The following KIAA0753 variants were observed in gnomAD, a reference collection of about 807,000 sequenced individuals.
The protein encoded by KIAA0753 is KIAA0753.
A neutral mutation model predicts 116.9 loss-of-function variants in KIAA0753; 114 were observed. The observed-to-expected ratio is 0.98, with a 90% CI of 0.84 to 1.14. KIAA0753 has a LOEUF of 1.14. KIAA0753 is among the 50% of genes most tolerant of loss of function. KIAA0753 has a pLI of 0.00. For missense variants in KIAA0753, 1,156 were observed against 1,172.4 expected (o/e 0.99, Z 0.20); for synonymous variants, 405 against 413.1 (o/e 0.98, Z 0.24).
At chr17:6,624,442 A>T (rs1022297580) in intron 4 of KIAA0753, among the ~76,000 whole-genome samples, 2 of 152,072 alleles carry the variant, frequency 1.3e-5, no homozygotes, top group Non-Finnish European at 2.9e-5. Flanking sequence ...TATATAATGT[A>T]TAAGCATCTT....
intron 15 of KIAA0753, among the ~76,000 whole-genome samples, chr17:6,595,688 G>A (rs1233226343): frequency 2.0e-5 from 3 of 152,160 alleles, no homozygotes; most frequent in African/African-American, 7.2e-5. Flanking sequence ...TTCCTGCACT[G>A]AATAATCCAG....
At chr17:6,632,598 A>G (rs76055649) in intron 2 of KIAA0753, among the ~76,000 whole-genome samples, 11,002 of 152,284 alleles carry the variant, frequency 0.072, 740 homozygotes, top group African/African-American at 0.17. Flanking sequence ...AGTCTCCAAG[A>G]CAAATAATTA....
At chr17:6,623,698 G>GA (rs2150890909) in intron 4 of KIAA0753, 127 bp from the exon 5 acceptor site, 6 of 1,338,008 alleles carry the variant, frequency 4.5e-6, no homozygotes, top group East Asian at 5.4e-5. Flanking sequence ...ACTTGAAAAT[G>GA]AAAAAAAGGC....
At chr17:6,628,945 T>G (rs1049189159) in intron 2 of KIAA0753, among the ~76,000 whole-genome samples, 2 of 152,134 alleles carry the variant, frequency 1.3e-5, no homozygotes, top group African/African-American at 2.4e-5. Flanking sequence ...AATCATCCAG[T>G]CCCATACTAT....
In KIAA0753 at chr17:6,628,583, G is replaced by T. The variant is rs761394748; in HGVS notation, c.252C>A (p.Gly84=). The change falls in exon 3 of 19, where the codon GGC becomes GGA. Residue 84 remains glycine, a synonymous_variant. Transcript: ENST00000361413. ...ATATGACGGAAAATGAAACAGAACT[G>T]CCCAGGTCAGGACCAACTCTACAAT... ...DADCRVGPDL[G]SSVSFSVISQ... is the part of the protein sequence containing the mutation. 1 of 1,614,144 alleles carries T rather than the reference G, an allele frequency of 6.2e-7. No homozygotes were observed. The highest frequency in any genetic ancestry group is 1.1e-5 in the South Asian group (1 of 91,082).
At chr17:6,609,441 T>C (rs1970392955) in intron 9 of KIAA0753, among the ~76,000 whole-genome samples, 1 of 146,174 alleles carries the variant, frequency 6.8e-6, no homozygotes, top group African/African-American at 2.5e-5. Context: ...AGCTTCTCAT[T>C]CTAATGTGCT....
chr17:6,615,614 CAA>C (rs60310389), intron 7 of KIAA0753, among the ~76,000 whole-genome samples: 5 of 58,758 alleles, frequency 8.5e-5, no homozygotes, highest in African/African-American at 2.6e-4. Flanking sequence ...GACTCCGTCT[CAA>C]AAAAAAAAAA....
In KIAA0753 at chr17:6,611,824, T is replaced by G. The variant is rs182021961; in HGVS notation, c.1545+95A>C. On this transcript the variant is annotated intron_variant, in intron 8 of 18. Coordinates refer to ENST00000361413, the MANE Select transcript of KIAA0753 (RefSeq NM_014804.3). ...CAGACTCAAGGACTGCAGCATCCAA[T>G]TGCCTGAGAACTGGCTCCACCATAT... is the stretch of plus-strand genomic sequence containing the variant. The G allele has an allele frequency of 6.7e-4, 627 of 934,868 alleles. 3 individuals are homozygous for G. In the Middle Eastern group the frequency reaches 7.3e-3, roughly 11 times the overall value. The allele number at this position is 934,868 out of a possible 1,614,324, so 57.9% of individuals were successfully genotyped here.
chr17:6,623,579 G>A lies in KIAA0753; in HGVS notation c.826-8C>T. Reference sequence around the variant, plus strand: ...TTCCTGGATTTCTTTTACCTGTTTTGTAAAGGGGAAAAAAGAAAACTTCAT... The same window carrying A: ...TTCCTGGATTTCTTTTACCTGTTTTATAAAGGGGAAAAAAGAAAACTTCAT... On this transcript the variant is annotated splice_polypyrimidine_tract_variant and splice_region_variant and intron_variant, in intron 4 of 18. Transcript: ENST00000361413. 1.2e-6 allele frequency: 2 copies of A among 1,604,944 alleles called. No homozygotes were observed. Among genetic ancestry groups the A allele is most frequent in the Non-Finnish European group, 1.7e-6 (2 of 1,176,426 alleles).
intron 12 of KIAA0753, among the ~76,000 whole-genome samples, chr17:6,604,007 C>T (rs1970035823): frequency 6.6e-6 from 1 of 152,152 alleles, no homozygotes; most frequent in African/African-American, 2.4e-5. Flanking sequence ...GACAAAGATG[C>T]AGCACAACTG....
intron 3 of KIAA0753, among the ~76,000 whole-genome samples, chr17:6,627,009 AT>A (rs569962169): frequency 2.4e-4 from 37 of 152,296 alleles, no homozygotes; most frequent in Middle Eastern, 3.4e-3. Flanking sequence ...CATTTCTGTT[AT>A]TTTTATGCTG....
chr17:6,605,741 T>C (rs942896108), intron 12 of KIAA0753, among the ~76,000 whole-genome samples: 3 of 152,094 alleles, frequency 2.0e-5, no homozygotes, highest in Non-Finnish European at 4.4e-5. Context: ...TGAGGAGGGA[T>C]ACACTGGAAA....
At chr17:6,605,771 G>A (rs1970156973) in intron 12 of KIAA0753, among the ~76,000 whole-genome samples, 1 of 151,954 alleles carries the variant, frequency 6.6e-6, no homozygotes, top group Non-Finnish European at 1.5e-5. Flanking sequence ...CAGTGGCAAC[G>A]GTCGATTCCT....
At chr17:6,602,850 A>G (rs1969963813) in intron 12 of KIAA0753, among the ~76,000 whole-genome samples, 1 of 152,208 alleles carries the variant, frequency 6.6e-6, no homozygotes, top group African/African-American at 2.4e-5. Context: ...TTGATCGGCA[A>G]TCACTCCCCC....
At chr17:6,580,471 C>T (rs1413631145) in intron 18 of KIAA0753, among the ~76,000 whole-genome samples, 6 of 146,004 alleles carry the variant, frequency 4.1e-5, no homozygotes, top group South Asian at 2.3e-4. Flanking sequence ...CCCGCCACCA[C>T]GCCTGGCTAA....
At chr17:6,599,398 A>C (rs1030135487) in intron 13 of KIAA0753, 78 bp from the exon 14 acceptor site, 29 of 985,662 alleles carry the variant, frequency 2.9e-5, no homozygotes, top group Non-Finnish European at 4.4e-5. Context: ...CTATTACCAG[A>C]ATGACTTGTG....
intron 16 of KIAA0753, 135 bp downstream of exon 16, chr17:6,594,837 A>T: frequency 1.5e-6 from 1 of 686,930 alleles, no homozygotes. Flanking sequence ...GTGACAAAGC[A>T]AAGAGAGTGA....
At chr17:6,590,663 T>C in intron 16 of KIAA0753, 33 bp from the exon 17 acceptor site, 1 of 1,611,318 alleles carries the variant, frequency 6.2e-7, no homozygotes, top group Non-Finnish European at 8.5e-7. Context: ...TGACTGCATA[T>C]AAAGAACAGT....
At chr17:6,623,362 G>A in intron 5 of KIAA0753, 147 bp downstream of exon 5, 1 of 697,062 alleles carries the variant, frequency 1.4e-6, no homozygotes, top group Non-Finnish European at 2.4e-6. Context: ...ACCATATTCA[G>A]AATATGTAAG....
Sources: allele counts gnomAD v4.1 joint callset (sites outside exome capture counted in the v4.1 genomes callset), GRCh38; gene constraint gnomAD v4.1.1; transcripts MANE v1.5; gene names NCBI Gene and HGNC (gene_info 2026-07-23, HGNC 2026-07-21).